Variants in COG6 observed in about 807,000 individuals in gnomAD.
COG6 encodes conserved oligomeric Golgi complex subunit 6.
A neutral mutation model predicts 88.8 loss-of-function variants in COG6; 74 were observed. The observed-to-expected ratio is 0.83, with a 90% CI of 0.69 to 1.01. The LOEUF is 1.01. Ranked by LOEUF, COG6 falls within the 50% of genes least tolerant of loss-of-function variation. The probability of loss-of-function intolerance (pLI) is 0.00; values close to 1 mark genes in which losing one functional copy is unlikely to be tolerated. For missense variants in COG6, 800 were observed against 797.9 expected (o/e 1.00, Z -0.03); for synonymous variants, 286 against 278.7 (o/e 1.03, Z -0.26).
chr13:39,735,561 A>G (rs150074662), intron 18 of COG6, among the ~76,000 whole-genome samples: 1 of 152,266 alleles, frequency 6.6e-6, no homozygotes, highest in African/African-American at 2.4e-5. Context: ...AGTTTACAAC[A>G]TTCTGTGTTT....
rs1876049419 is a variant in COG6 at position 39,677,575 on chromosome 13, C to T, written c.536C>T (p.Thr179Ile). ...CGAGGTACAAGAGAAGGACCCATTA[C>T]TGAGGTATCCTGGCTTTCTGTTATA... is the stretch of plus-strand genomic sequence containing the variant. ...LLRGTREGPITEDFFKALGRV... is the reference protein window; with the variant it reads ...LLRGTREGPIIEDFFKALGRV... Residue 179 changes from threonine to isoleucine, a missense_variant, in exon 5 of 19, where the codon ACT (threonine) becomes ATT (isoleucine). By Grantham distance (89) the Thr-to-Ile change is moderately conservative. Transcript: ENST00000455146. 1 of 1,549,786 alleles carries T rather than the reference C, an allele frequency of 6.5e-7. No individual in the cohort carries two copies. Among genetic ancestry groups the T allele is most frequent in the Non-Finnish European group, 8.9e-7 (1 of 1,122,426 alleles).
chr13:39,753,217 T>G (rs953892514), downstream of COG6, among the ~76,000 whole-genome samples: 1 of 152,104 alleles, frequency 6.6e-6, no homozygotes, highest in Non-Finnish European at 1.5e-5. Flanking sequence ...ATTAATGGAA[T>G]TAGTACCCTT....
chr13:39,755,388 A>T (rs1415994660), downstream of COG6, among the ~76,000 whole-genome samples: 3 of 152,132 alleles, frequency 2.0e-5, no homozygotes, highest in Non-Finnish European at 2.9e-5. Flanking sequence ...AAACCCATTT[A>T]AAAAACCGGC....
exon 19 of COG6, chr13:39,790,470 T>A (rs1404972021): frequency 6.6e-6 from 1 of 152,192 alleles, no homozygotes; most frequent in Non-Finnish European, 1.5e-5. Context: ...GAGTCTAGTA[T>A]CTGTAGATTT....
chr13:39,786,053 G>A (rs1056982939), intron 18 of COG6, among the ~76,000 whole-genome samples: 1 of 152,118 alleles, frequency 6.6e-6, no homozygotes, highest in Non-Finnish European at 1.5e-5. Context: ...CCTGGCTCAG[G>A]AAATCCTGCA....
intron 16 of COG6, 53 bp downstream of exon 16, chr13:39,723,493 T>C: frequency 1.9e-6 from 2 of 1,029,876 alleles, no homozygotes; most frequent in East Asian, 4.8e-5. Context: ...GTTTAGAGTA[T>C]GTCTTCTAGA....
chr13:39,735,006 G>T (rs994898634), intron 18 of COG6, among the ~76,000 whole-genome samples: 5 of 151,492 alleles, frequency 3.3e-5, no homozygotes, highest in Admixed American at 6.6e-5. Context: ...TGTAGATGAA[G>T]TATTTTTTTT....
chr13:39,686,556 T>C (rs1876649231), intron 8 of COG6, among the ~76,000 whole-genome samples: 1 of 152,196 alleles, frequency 6.6e-6, no homozygotes, highest in Admixed American at 6.5e-5. Context: ...TGCTTGTATA[T>C]GTGTTTGGTC....
chr13:39,730,753 G>A (rs1362488962), intron 18 of COG6, among the ~76,000 whole-genome samples: 2 of 81,672 alleles, frequency 2.4e-5, no homozygotes, highest in East Asian at 4.1e-4. Flanking sequence ...CAGCCTGGGC[G>A]ACAGAGCAAG....
chr13:39,678,159 C>A, intron 5 of COG6: 1 of 406,162 alleles, frequency 2.5e-6, no homozygotes. Context: ...CTCAACCTCC[C>A]AGGCTCAAGT....
At chr13:39,777,471 T>TGTTATTAG (rs1881498436) in intron 18 of COG6, among the ~76,000 whole-genome samples, 1 of 151,982 alleles carries the variant, frequency 6.6e-6, no homozygotes, top group Non-Finnish European at 1.5e-5. Context: ...GGTTGAAAAA[T>TGTTATTAG]GTGAGAGTTG....
At chr13:39,753,631 A>T (rs980428533), downstream of COG6, among the ~76,000 whole-genome samples, 1 of 151,954 alleles carries the variant, frequency 6.6e-6, no homozygotes, top group African/African-American at 2.4e-5. Context: ...TTTGTACTTG[A>T]GATGTTATCT....
chr13:39,679,318 G>A (rs1020395731), intron 5 of COG6: 2 of 532,434 alleles, frequency 3.8e-6, no homozygotes, highest in Non-Finnish European at 6.8e-6. Context: ...ACACTATTTG[G>A]CACATAGTAG....
chr13:39,710,889 T>G (rs956013989), intron 13 of COG6, among the ~76,000 whole-genome samples: 3 of 151,992 alleles, frequency 2.0e-5, no homozygotes, highest in Admixed American at 6.6e-5. Flanking sequence ...AAAGAAAAAT[T>G]TTAACTTTAC....
chr13:39,699,018 A>T (rs1379340365), intron 12 of COG6, among the ~76,000 whole-genome samples: 1 of 151,918 alleles, frequency 6.6e-6, no homozygotes, highest in Non-Finnish European at 1.5e-5. Flanking sequence ...AGGCAGCTGT[A>T]TAAAAATTGA....
At chr13:39,780,195 C>T (rs188902213) in intron 18 of COG6, among the ~76,000 whole-genome samples, 50 of 152,232 alleles carry the variant, frequency 3.3e-4, no homozygotes, top group Non-Finnish European at 5.6e-4. Context: ...CAAGTACAGC[C>T]GTCACACCAA....
Position 39,751,598 on chromosome 13 carries a change from A to T in COG6, c.*505A>T. ...GTCCCCAAAATAGCTGCCCTTAAAGAGTTGTTAGCAGAGAGAAAAATAACA... is the reference window on the plus strand; with the variant it reads ...GTCCCCAAAATAGCTGCCCTTAAAGTGTTGTTAGCAGAGAGAAAAATAACA... On this transcript the variant is annotated 3_prime_UTR_variant, in exon 19 of 19. Coordinates refer to ENST00000455146, the MANE Select transcript of COG6 (RefSeq NM_020751.3). 7.8e-7 allele frequency: 1 copy of T among 1,287,170 alleles called. No individual in the cohort carries two copies. The highest frequency in any genetic ancestry group is 1.0e-6 in the Non-Finnish European group (1 of 988,690). The allele number at this position is 1,287,170 out of a possible 1,614,324, so 79.7% of individuals were successfully genotyped here. A position where few individuals can be genotyped will look rare whatever the true frequency, so the allele number is the denominator to read the frequency against.
intron 1 of COG6, chr13:39,656,965 T>G: frequency 2.2e-6 from 1 of 447,084 alleles, no homozygotes. Flanking sequence ...ATTTATGAAG[T>G]GTTTAATGTG....
intron 18 of COG6, among the ~76,000 whole-genome samples, chr13:39,778,969 A>G (rs1881549175): frequency 1.3e-5 from 2 of 152,326 alleles, no homozygotes; most frequent in South Asian, 2.1e-4. Flanking sequence ...CACTTCCACC[A>G]TATGCTTTTT....
Sources: gnomAD v4.1 joint callset for allele counts (sites outside exome capture counted in the v4.1 genomes callset) on GRCh38, gnomAD v4.1.1 for gene constraint, MANE v1.5 for transcripts, NCBI Gene and HGNC (gene_info 2026-07-23, HGNC 2026-07-21) for gene names.